Variants in CLCN1 observed in about 807,000 individuals in gnomAD.
The protein encoded by CLCN1 is chloride channel protein 1.
In CLCN1, 100 loss-of-function variants were observed where a neutral mutation model predicts 114.5. The observed-to-expected ratio is 0.87, with a 90% confidence interval of 0.74 to 1.03. The LOEUF (loss-of-function observed/expected upper bound fraction) is 1.03, where lower values mean the gene tolerates loss of function less well. CLCN1 is among the 50% of genes least tolerant of loss of function. The probability of loss-of-function intolerance (pLI) is 0.00; values close to 1 mark genes in which losing one functional copy is unlikely to be tolerated. For synonymous variants in CLCN1, 485 were observed against 487.1 expected (o/e 1.00, Z 0.06); for missense variants, 1,188 against 1,250.0 (o/e 0.95, Z 0.75).
At chr7:143,345,419 C>A in intron 16 of CLCN1, 102 bp from the exon 17 acceptor site, 1 of 1,381,962 alleles carries the variant, frequency 7.2e-7, no homozygotes, top group South Asian at 1.6e-5. Flanking sequence ...GTGGGGACGC[C>A]GGGCAGGGTG....
At chr7:143,328,799 C>CA (rs1221062427) in intron 7 of CLCN1, among the ~76,000 whole-genome samples, 1 of 152,116 alleles carries the variant, frequency 6.6e-6, no homozygotes, top group African/African-American at 2.4e-5. Flanking sequence ...GTCTGCCCCA[C>CA]ATTGCCCATT....
intron 20 of CLCN1, among the ~76,000 whole-genome samples, chr7:143,348,894 C>T (rs564853405): frequency 1.3e-5 from 2 of 152,170 alleles, no homozygotes; most frequent in Non-Finnish European, 2.9e-5. Context: ...GTTAGAAGCC[C>T]AGCTCCACCA....
chr7:143,338,139 C>T (rs1169649156), intron 12 of CLCN1, among the ~76,000 whole-genome samples: 1 of 152,062 alleles, frequency 6.6e-6, no homozygotes, highest in Admixed American at 6.6e-5. Flanking sequence ...CCTCTGCACC[C>T]GGACAATTCT....
At position 143,345,501 on chromosome 7, in the gene CLCN1, A is replaced by G. The variant is rs1488978670; in HGVS notation, c.1931-20A>G. The G allele has an allele frequency of 6.6e-7, 1 of 1,521,598 alleles. No homozygotes were observed. The highest frequency in any genetic ancestry group is 1.2e-5 in the South Asian group (1 of 82,224). 94.3% of individuals were successfully genotyped at this position (1,521,598 alleles called of 1,614,324 possible). ...GAGGGCTTGGAGGGGGCGCTCAGGC[A>G]GGGCGTGGGTTTCCCTCAGATTCAA... On this transcript the variant is annotated intron_variant, in intron 16 of 22. Transcript: ENST00000343257.
chr7:143,345,761 A>G lies in CLCN1; in HGVS notation c.2171A>G (p.Glu724Gly). Reference sequence around the variant, plus strand: ...GACGAAGACCTCTCTGGCAAGAGCGAGGTGACCGCGCCGGGAAGGGCTAGG... The same window carrying G: ...GACGAAGACCTCTCTGGCAAGAGCGGGGTGACCGCGCCGGGAAGGGCTAGG... ...DEDEDLSGKS[E>G]LPPSLALHPS... The change falls in exon 17 of 23, where the codon GAG (glutamate) becomes GGG (glycine). Residue 724 changes from glutamate to glycine, a missense_variant and splice_region_variant. Glu to Gly is a moderately conservative substitution (Grantham distance 98, BLOSUM62 -2). Coordinates refer to ENST00000343257, the MANE Select transcript of CLCN1 (RefSeq NM_000083.3). 6.4e-7 allele frequency: 1 copy of G among 1,572,058 alleles called. No homozygotes were observed. The highest frequency in any genetic ancestry group is 8.7e-7 in the Non-Finnish European group (1 of 1,155,846).
chr7:143,336,926 C>T (rs954060104), intron 12 of CLCN1, among the ~76,000 whole-genome samples: 3 of 152,100 alleles, frequency 2.0e-5, no homozygotes, highest in Non-Finnish European at 4.4e-5. Context: ...TCAGATTAAC[C>T]TGAGCCTACA....
intron 14 of CLCN1, 144 bp from the exon 15 acceptor site, chr7:143,341,785 C>A (rs183295194): frequency 2.8e-6 from 2 of 711,398 alleles, no homozygotes; most frequent in Admixed American, 4.0e-5. Flanking sequence ...GTATTCTATT[C>A]CCTACTCTTG....
At chr7:143,329,810 A>G (rs186038370) in intron 7 of CLCN1, among the ~76,000 whole-genome samples, 1 of 152,254 alleles carries the variant, frequency 6.6e-6, no homozygotes, top group Admixed American at 6.5e-5. Flanking sequence ...GCCAGGTTTT[A>G]GGTAATTTTG....
At chr7:143,351,252 G>A (rs1803390889) in intron 22 of CLCN1, among the ~76,000 whole-genome samples, 1 of 152,076 alleles carries the variant, frequency 6.6e-6, no homozygotes, top group African/African-American at 2.4e-5. Context: ...GGGGTTCCAG[G>A]CATGAGTCAC....
At chr7:143,323,030 C>T (rs1404093228) in intron 5 of CLCN1, among the ~76,000 whole-genome samples, 1 of 152,210 alleles carries the variant, frequency 6.6e-6, no homozygotes, top group Admixed American at 6.5e-5. Flanking sequence ...TCCCTCCCAT[C>T]ATTCAAAGCT....
chr7:143,321,260 A>G lies in CLCN1; in HGVS notation c.434-105A>G, dbSNP rs1802422969. The G allele has an allele frequency of 7.4e-7, 1 of 1,356,460 alleles. No homozygotes were observed. The highest frequency in any genetic ancestry group is 1.2e-5 in the South Asian group (1 of 81,904). The allele number at this position is 1,356,460 out of a possible 1,614,324, so 84.0% of individuals were successfully genotyped here. On this transcript the variant is annotated intron_variant, in intron 3 of 22. Coordinates refer to ENST00000343257, the MANE Select transcript of CLCN1 (RefSeq NM_000083.3). The surrounding 1 kb of genome is among the most constrained non-coding windows in gnomAD (Gnocchi z 4.2). The stretch of plus-strand genomic sequence containing the variant: ...AGAGCAGCACCATCTCAGAAGGGGC[A>G]CACAGAAGGAGCACGGCCTGAGAAC...
At chr7:143,316,495 C>CTTG in intron 1 of CLCN1, 103 bp downstream of exon 1, 2 of 1,093,136 alleles carry the variant, frequency 1.8e-6, no homozygotes, top group Non-Finnish European at 2.7e-6. Flanking sequence ...AGCAGTGTTA[C>CTTG]ATTTTTTTAA....
chr7:143,316,944 G>A (rs1252637679), intron 1 of CLCN1, among the ~76,000 whole-genome samples: 4 of 152,238 alleles, frequency 2.6e-5, no homozygotes, highest in Non-Finnish European at 5.9e-5. Context: ...TAGGTCGCAA[G>A]ATGATCAAGT....
chr7:143,345,542 C>T lies in CLCN1; in HGVS notation c.1952C>T (p.Ser651Leu). ...DSKDSMILLG[S>L]VERSELQALL... ...TCAGATTCAATGATCCTGCTGGGCTCGGTGGAGCGGTCGGAACTGCAGGCC... is the reference window on the plus strand; with the variant it reads ...TCAGATTCAATGATCCTGCTGGGCTTGGTGGAGCGGTCGGAACTGCAGGCC... Residue 651 changes from serine to leucine, a missense_variant, in exon 17 of 23, where the codon TCG (serine) becomes TTG (leucine). Ser to Leu is a moderately radical substitution (Grantham distance 145). Coordinates refer to ENST00000343257, the MANE Select transcript of CLCN1 (RefSeq NM_000083.3). 7.8e-6 allele frequency: 12 copies of T among 1,540,170 alleles called. No homozygotes were observed. The highest frequency in any genetic ancestry group is 1.4e-5 in the African/African-American group (1 of 72,842).
chr7:143,320,662 A>G lies in CLCN1; in HGVS notation c.302-2A>G. Reference sequence around the variant, plus strand: ...TTTGTTTTTTCCCTCATCTCTTCCTAGATTGTATCCACCGCCTGGGACAGG... The same window carrying G: ...TTTGTTTTTTCCCTCATCTCTTCCTGGATTGTATCCACCGCCTGGGACAGG... On this transcript the variant is annotated splice_acceptor_variant, in intron 2 of 22. Coordinates refer to ENST00000343257, the MANE Select transcript of CLCN1 (RefSeq NM_000083.3). LOFTEE classifies it high-confidence loss of function. 1 of 1,611,184 alleles carries G rather than the reference A, an allele frequency of 6.2e-7. No individual in the cohort carries two copies. Among genetic ancestry groups the G allele is most frequent in the East Asian group, 2.2e-5 (1 of 44,778 alleles).
At position 143,347,120 on chromosome 7, in the gene CLCN1, A is replaced by G. The variant is rs373458976; in HGVS notation, c.2403+171A>G. Among the ~76,000 whole-genome samples, 9 of 152,144 alleles carry G rather than the reference A, an allele frequency of 5.9e-5. No individual in the cohort carries two copies. In the East Asian group the frequency reaches 1.7e-3, roughly 29 times the overall value. On this transcript the variant is annotated intron_variant, in intron 20 of 22. Transcript: ENST00000343257. Reference sequence around the variant, plus strand: ...TTATGGAGAGAGTAATGAGTGTGTGATGGGACATGGAGGTGTTCTCAGAAG... The same window carrying G: ...TTATGGAGAGAGTAATGAGTGTGTGGTGGGACATGGAGGTGTTCTCAGAAG...
chr7:143,321,298 C>T lies in CLCN1; in HGVS notation c.434-67C>T, dbSNP rs971675413. 9 of 1,592,526 alleles carry T rather than the reference C, an allele frequency of 5.7e-6. No individual in the cohort carries two copies. The highest frequency in any genetic ancestry group is 2.2e-5 in the East Asian group (1 of 44,456). ...ACGGCCTGAGAACATGCCGGGTACA[C>T]GTCCTGGTGCCGTGGACACGGCTGC... On this transcript the variant is annotated intron_variant, in intron 3 of 22. Coordinates refer to ENST00000343257, the MANE Select transcript of CLCN1 (RefSeq NM_000083.3). The surrounding 1 kb of genome is among the most constrained non-coding windows in gnomAD (Gnocchi z 4.2).
rs1803209334 is a variant in CLCN1 at position 143,345,540 on chromosome 7, CTCGGTGGAGCGG to C, written c.1955_1966del (p.Val652_Ser655del). On this transcript the variant is annotated inframe_deletion, in exon 17 of 23. Coordinates refer to ENST00000343257, the MANE Select transcript of CLCN1 (RefSeq NM_000083.3). ...CCTCAGATTCAATGATCCTGCTGGG[CTCGGTGGAGCGG>C]TCGGAACTGCAGGCCCTCCTGCAGC... The C allele has an allele frequency of 2.6e-6, 4 of 1,539,850 alleles. No individual in the cohort carries two copies. Among genetic ancestry groups the C allele is most frequent in the Non-Finnish European group, 3.5e-6 (4 of 1,139,084 alleles).
In CLCN1 at chr7:143,351,555, C is replaced by A. The variant is rs1427158018; in HGVS notation, c.2596-39C>A. On this transcript the variant is annotated intron_variant, in intron 22 of 22. Transcript: ENST00000343257. ...ACTGCCCCCGTCTTTTTTCTTTTTC[C>A]AACTTTTTACCCTCTTTTCCTTTCC... is the stretch of plus-strand genomic sequence containing the variant. The A allele has an allele frequency of 1.9e-6, 3 of 1,608,044 alleles. No homozygotes were observed. The East Asian group carries it at 6.7e-5, about 36-fold the overall frequency.
Sources: gnomAD v4.1 joint callset for allele counts (sites outside exome capture counted in the v4.1 genomes callset) on GRCh38, gnomAD v4.1.1 for gene constraint, Gnocchi (gnomAD v3.1) non-coding constraint, MANE v1.5 for transcripts, NCBI Gene and HGNC (gene_info 2026-07-23, HGNC 2026-07-21) for gene names.